Variants in SIK3 observed in about 807,000 individuals in gnomAD.
SIK3 encodes the protein SIK family kinase 3, also known as serine/threonine-protein kinase SIK3.
In SIK3, 28 loss-of-function variants were observed where a neutral mutation model predicts 144.2. That is an observed-to-expected ratio of 0.19 (90% CI 0.14 to 0.27). SIK3 has a LOEUF of 0.27. Ranked by LOEUF, SIK3 falls within the 10% of genes least tolerant of loss-of-function variation. The pLI, the probability that SIK3 is intolerant of heterozygous loss-of-function variation, is 1.00. For missense variants in SIK3, 1,319 were observed against 1,776.0 expected, an observed-to-expected ratio of 0.74 and a Z score of 4.62; for synonymous variants, 686 against 676.3, an observed-to-expected ratio of 1.01 and a Z score of -0.22.
intron 3 of SIK3, among the ~76,000 whole-genome samples, chr11:116,937,256 A>G (rs900697044): frequency 6.6e-6 from 1 of 152,254 alleles, no homozygotes; most frequent in Non-Finnish European, 1.5e-5. Context: ...GTATATGCAT[A>G]TATTTATTTA....
chr11:116,906,841 T>A (rs551852153), intron 4 of SIK3, among the ~76,000 whole-genome samples: 1 of 152,362 alleles, frequency 6.6e-6, no homozygotes, highest in East Asian at 1.9e-4. Context: ...AATGTCAAGC[T>A]GTGAATAAAA....
intron 1 of SIK3, among the ~76,000 whole-genome samples, chr11:116,989,362 C>T (rs1392291020): frequency 6.6e-6 from 1 of 152,134 alleles, no homozygotes; most frequent in Non-Finnish European, 1.5e-5. Context: ...TATAGCTCAC[C>T]ATACACTTAT....
At chr11:116,983,124 G>A (rs1228533374) in intron 1 of SIK3, among the ~76,000 whole-genome samples, 2 of 151,308 alleles carry the variant, frequency 1.3e-5, no homozygotes, top group East Asian at 3.9e-4. Flanking sequence ...CTACTCGGGA[G>A]GCTGAGGCAG....
intron 3 of SIK3, among the ~76,000 whole-genome samples, chr11:116,934,656 C>T (rs1947805796): frequency 6.6e-6 from 1 of 152,172 alleles, no homozygotes. Flanking sequence ...TAAAATAGTA[C>T]TCTGCCTATG....
rs1942014969 is a variant in SIK3 at position 116,846,940 on chromosome 11, T to C, written c.3953-387A>G. Among the ~76,000 whole-genome samples the C allele has an allele frequency of 6.6e-6, 1 of 152,208 alleles. No individual in the cohort carries two copies. Among genetic ancestry groups the C allele is most frequent in the African/African-American group, 2.4e-5 (1 of 41,452 alleles). ...ACTGTCTGTCTTCCAGACACTGTGC[T>C]AAGCACTTGATACTCACTAAGCCAG... On this transcript the variant is annotated intron_variant, in intron 23 of 24. Coordinates refer to ENST00000445177, the MANE Select transcript of SIK3 (RefSeq NM_001366686.3). The surrounding 1 kb of genome is among the most constrained non-coding windows in gnomAD (Gnocchi z 4.1).
chr11:116,924,632 T>C (rs686632), intron 4 of SIK3, among the ~76,000 whole-genome samples: 2,232 of 152,274 alleles, frequency 0.015, 64 homozygotes, highest in African/African-American at 0.05. Flanking sequence ...AGCACAGTGG[T>C]GCACCATGGA....
intron 1 of SIK3, among the ~76,000 whole-genome samples, chr11:116,984,050 CAAAA>C (rs35403684): frequency 2.2e-4 from 18 of 80,888 alleles, no homozygotes; most frequent in African/African-American, 5.6e-4. Flanking sequence ...GACCCTGACT[CAAAA>C]AAAAAAAAAA....
intron 6 of SIK3, among the ~76,000 whole-genome samples, chr11:116,881,925 A>G (rs777339336): frequency 2.0e-5 from 3 of 151,964 alleles, no homozygotes; most frequent in Non-Finnish European, 4.4e-5. Flanking sequence ...AGAAGTTGAG[A>G]AACTTGATCA....
intron 2 of SIK3, among the ~76,000 whole-genome samples, chr11:116,955,373 G>A (rs763563028): frequency 5.3e-5 from 8 of 152,132 alleles, no homozygotes; most frequent in South Asian, 2.1e-4. Flanking sequence ...ACTCCAGCCC[G>A]GGCAACAGAG....
chr11:117,083,951 C>G (rs1565627660), intron 1 of SIK3, among the ~76,000 whole-genome samples: 2 of 152,204 alleles, frequency 1.3e-5, no homozygotes, highest in Non-Finnish European at 2.9e-5. Flanking sequence ...TTACCAAATT[C>G]AGCTCAGTTC....
chr11:116,859,522 A>C lies in SIK3; in HGVS notation c.2508T>G (p.Pro836=), dbSNP rs746890961. The change falls in exon 20 of 25, where the codon CCT becomes CCG. Residue 836 remains proline, a synonymous_variant. Coordinates refer to ENST00000445177, the MANE Select transcript of SIK3 (RefSeq NM_001366686.3). ...CCAAGCAGGTTAGTGCCACGTTGGG[A>C]GGAGAGGAACAGTTCTCAGGTTGCT... is the stretch of plus-strand genomic sequence containing the variant. ...FQQQPENCSS[P]PNVALTCLGM... is the part of the protein sequence containing the mutation. 6.2e-7 allele frequency: 1 copy of C among 1,614,188 alleles called. No homozygotes were observed. Among genetic ancestry groups the C allele is most frequent in the Non-Finnish European group, 8.5e-7 (1 of 1,180,046 alleles).
intron 1 of SIK3, among the ~76,000 whole-genome samples, chr11:116,992,870 A>G (rs1381362164): frequency 6.6e-6 from 1 of 152,102 alleles, no homozygotes; most frequent in Non-Finnish European, 1.5e-5. Context: ...CTGTAGTCCC[A>G]GCTATTTGGG....
chr11:117,045,330 A>G (rs902081291), intron 1 of SIK3, among the ~76,000 whole-genome samples: 1 of 152,206 alleles, frequency 6.6e-6, no homozygotes, highest in Non-Finnish European at 1.5e-5. Context: ...CTACAAGAGT[A>G]TCAGTTTCAG....
At chr11:116,992,853 C>T (rs1950543522) in intron 1 of SIK3, among the ~76,000 whole-genome samples, 1 of 152,030 alleles carries the variant, frequency 6.6e-6, no homozygotes, top group South Asian at 2.1e-4. Context: ...GACATAGTGC[C>T]ATGCACCTGT....
intron 3 of SIK3, among the ~76,000 whole-genome samples, chr11:116,939,293 G>A (rs1282900314): frequency 6.6e-6 from 1 of 152,176 alleles, no homozygotes; most frequent in Non-Finnish European, 1.5e-5. Flanking sequence ...GACTACAGGT[G>A]TGCATCACCA....
chr11:116,993,620 G>C (rs1018273305), intron 1 of SIK3, among the ~76,000 whole-genome samples: 1 of 152,060 alleles, frequency 6.6e-6, no homozygotes, highest in African/African-American at 2.4e-5. Flanking sequence ...CAATCCTAAA[G>C]CAGCAATGAA....
chr11:117,035,091 T>A (rs1952436700), intron 1 of SIK3, among the ~76,000 whole-genome samples: 1 of 152,216 alleles, frequency 6.6e-6, no homozygotes, highest in African/African-American at 2.4e-5. Flanking sequence ...CTTGGTTGTT[T>A]CCAGTTCTGG....
At chr11:116,958,574 T>C (rs188824967) in intron 1 of SIK3, among the ~76,000 whole-genome samples, 8 of 152,332 alleles carry the variant, frequency 5.3e-5, no homozygotes, top group Admixed American at 1.3e-4. Context: ...TGGAGCTATG[T>C]ACCAGGTATA....
chr11:116,955,311 T>C lies in SIK3; in HGVS notation c.391-1204A>G, dbSNP rs376763593. ...TACTTGGAAGGCTGAGGCAGTAGAA[T>C]CACTTGAACCCAGGAGGCGCAGGCT... On this transcript the variant is annotated intron_variant, in intron 2 of 24. Coordinates refer to ENST00000445177, the MANE Select transcript of SIK3 (RefSeq NM_001366686.3). Among the ~76,000 whole-genome samples the C allele has an allele frequency of 5.1e-4, 78 of 152,284 alleles. No homozygotes were observed. In the East Asian group the frequency reaches 0.01, roughly 20 times the overall value.
Sources: gnomAD v4.1 joint callset for allele counts (sites outside exome capture counted in the v4.1 genomes callset) on GRCh38, gnomAD v4.1.1 for gene constraint, Gnocchi (gnomAD v3.1) non-coding constraint, MANE v1.5 for transcripts, NCBI Gene and HGNC (gene_info 2026-07-23, HGNC 2026-07-21) for gene names.